The following ARID1A variants were observed in gnomAD, a reference collection of about 807,000 sequenced individuals.
The protein encoded by ARID1A is AT-rich interactive domain-containing protein 1A.
ARID1A carries 20 observed loss-of-function variants against 212.6 expected under a neutral mutation model. The observed-to-expected ratio is 0.09, with a 90% CI of 0.07 to 0.14. The LOEUF (loss-of-function observed/expected upper bound fraction) is 0.14. ARID1A is among the 10% of genes least tolerant of loss of function. ARID1A has a pLI of 1.00. For missense variants in ARID1A, 2,587 were observed against 3,059.0 expected, an observed-to-expected ratio of 0.85 and a Z score of 3.64; for synonymous variants, 1,376 against 1,222.1, an observed-to-expected ratio of 1.13 and a Z score of -2.63.
intron 1 of ARID1A, among the ~76,000 whole-genome samples, chr1:26,712,235 C>A (rs1265112285): frequency 6.6e-6 from 1 of 152,200 alleles, no homozygotes; most frequent in African/African-American, 2.4e-5. Flanking sequence ...CCTGTGATGG[C>A]TGTCTGATCT....
Position 26,697,334 on chromosome 1 carries a change from T to C in ARID1A, c.931T>C (p.Tyr311His), listed in dbSNP as rs2124744343. The change falls in exon 1 of 20, where the codon TAC becomes CAC. Residue 311 changes from tyrosine (Y) to histidine (H), a missense_variant. Tyr to His is a moderately conservative substitution (Grantham distance 83, BLOSUM62 2). This residue lies in a region of ARID1A where 735 missense variants were observed against 590.6 expected (regional missense o/e 1.24). Coordinates refer to ENST00000324856, the MANE Select transcript of ARID1A (RefSeq NM_006015.6). ...SPSSARGYQG[Y>H]PGGDYSGGPQ... ...CAGCTCGGCCCGGGGCTACCAGGGC[T>C]ACCCCGGGGGCGACTACAGTGGCGG... 7.5e-7 allele frequency: 1 copy of C among 1,334,824 alleles called. No homozygotes were observed. The highest frequency in any genetic ancestry group is 9.5e-7 in the Non-Finnish European group (1 of 1,049,488). 82.7% of individuals were successfully genotyped at this position (1,334,824 alleles called of 1,614,324 possible).
rs1331755870 is a variant in ARID1A, at chr1:26,766,194, T to C, written c.2733-27T>C. On this transcript the variant is annotated intron_variant, in intron 8 of 19. Coordinates refer to ENST00000324856, the MANE Select transcript of ARID1A (RefSeq NM_006015.6). ...AAAAGCTCAGAGTCTAACCTTTGTC[T>C]CTCTCACTTTCCATCTTCTTCCTTA... The C allele has an allele frequency of 3.1e-6, 5 of 1,608,720 alleles. No homozygotes were observed. In the African/African-American group the frequency reaches 6.7e-5, roughly 22 times the overall value.
intron 1 of ARID1A, 123 bp from the exon 2 acceptor site, chr1:26,729,528 T>C: frequency 8.7e-7 from 1 of 1,147,844 alleles, no homozygotes; most frequent in Non-Finnish European, 1.3e-6. Context: ...GTCTCATTGC[T>C]CTTTCAAAGT....
chr1:26,697,082 C>G lies in ARID1A; in HGVS notation c.679C>G (p.Pro227Ala), dbSNP rs781445895. The change falls in exon 1 of 20, where the codon CCG (proline) becomes GCG (alanine). Residue 227 changes from proline to alanine, a missense_variant. By Grantham distance (27) the Pro-to-Ala change is conservative. Transcript: ENST00000324856. ...CCGCAGCGCCTACCCCCCGCCCGCC[C>G]CGGCCTACGCGCTGAGCTCCCCGAG... Reference protein sequence around the residue: ...PNRSAYPPPAPAYALSSPRGG... With the variant: ...PNRSAYPPPAAAYALSSPRGG... 2 of 1,492,494 alleles carry G rather than the reference C, an allele frequency of 1.3e-6. No homozygotes were observed. Among genetic ancestry groups the G allele is most frequent in the Non-Finnish European group, 1.8e-6 (2 of 1,126,104 alleles). 92.5% of individuals were successfully genotyped at this position (1,492,494 alleles called of 1,614,324 possible).
In ARID1A at chr1:26,696,950, G is replaced by T; in HGVS notation, c.547G>T (p.Ala183Ser). ...HGGQQSPGLA[A>S]LQSGGGGGLE... ...CGGACAACAAAGCCCTGGCCTGGCA[G>T]CGCTGCAGAGCGGCGGCGGCGGGGG... Residue 183 changes from alanine (A) to serine (S), a missense_variant, in exon 1 of 20, where the codon GCG becomes TCG. This residue lies in a region of ARID1A where 735 missense variants were observed against 590.6 expected (regional missense o/e 1.24). Transcript: ENST00000324856. 6.8e-7 allele frequency: 1 copy of T among 1,462,462 alleles called. No homozygotes were observed. The highest frequency in any genetic ancestry group is 9.0e-7 in the Non-Finnish European group (1 of 1,113,806). The allele number at this position is 1,462,462 out of a possible 1,614,324, so 90.6% of individuals were successfully genotyped here. A position where few individuals can be genotyped will look rare whatever the true frequency, so the allele number is the denominator to read the frequency against.
chr1:26,748,156 G>A (rs1013414679), intron 4 of ARID1A, among the ~76,000 whole-genome samples: 2 of 152,210 alleles, frequency 1.3e-5, no homozygotes, highest in African/African-American at 4.8e-5. Flanking sequence ...CCAGCCCCTA[G>A]TTCTAAGCCA....
chr1:26,744,934 G>A (rs2080822905), intron 4 of ARID1A, among the ~76,000 whole-genome samples: 1 of 151,876 alleles, frequency 6.6e-6, no homozygotes, highest in Non-Finnish European at 1.5e-5. Context: ...GTATTTAAAG[G>A]CCTAAGGCTC....
intron 6 of ARID1A, 45 bp downstream of exon 6, chr1:26,761,518 A>G (rs1447651374): frequency 1.3e-6 from 2 of 1,585,656 alleles, no homozygotes; most frequent in African/African-American, 1.3e-5. Context: ...TAGGGCAGAC[A>G]TTTGAGTGCC....
intron 1 of ARID1A, among the ~76,000 whole-genome samples, chr1:26,725,213 A>G (rs1172049851): frequency 6.6e-6 from 1 of 152,090 alleles, no homozygotes; most frequent in East Asian, 1.9e-4. Flanking sequence ...TGGAGTTTCC[A>G]TCCCCTGCCT....
intron 19 of ARID1A, among the ~76,000 whole-genome samples, chr1:26,776,855 T>A (rs2081141069): frequency 6.6e-6 from 1 of 152,168 alleles, no homozygotes; most frequent in Non-Finnish European, 1.5e-5. Flanking sequence ...ATAGGCTCAG[T>A]CTTATCCTTG....
At chr1:26,772,170 C>G (rs538333211) in intron 12 of ARID1A, 1 of 284,332 alleles carries the variant, frequency 3.5e-6, no homozygotes, top group Non-Finnish European at 6.7e-6. Context: ...ACCAGCATTA[C>G]AGGGTTTAGT....
intron 4 of ARID1A, among the ~76,000 whole-genome samples, chr1:26,743,721 A>T (rs1201474320): frequency 6.7e-6 from 1 of 150,190 alleles, no homozygotes; most frequent in Non-Finnish European, 1.5e-5. Context: ...AGTCCCAGCT[A>T]CTCGGGAGGC....
intron 4 of ARID1A, among the ~76,000 whole-genome samples, chr1:26,758,734 C>G (rs2080964027): frequency 6.6e-6 from 1 of 152,124 alleles, no homozygotes; most frequent in South Asian, 2.1e-4. Context: ...GGAGGATGTC[C>G]TTTGCTGTTA....
chr1:26,762,449 A>G, intron 7 of ARID1A, 130 bp downstream of exon 7: 1 of 1,041,960 alleles, frequency 9.6e-7, no homozygotes, highest in Non-Finnish European at 1.3e-6. Flanking sequence ...CACCCAGCCC[A>G]GGCCCTGAAG....
Position 26,716,901 on chromosome 1 carries a change from C to T in ARID1A, c.1138-12750C>T, listed in dbSNP as rs1301858150. On this transcript the variant is annotated intron_variant, in intron 1 of 19. Transcript: ENST00000324856. The stretch of plus-strand genomic sequence containing the variant: ...TCGCCCTCCCAAAGTGCTGAGATTA[C>T]AGGGTGAGCCAACTGTGCCTGGCCA... Among the ~76,000 whole-genome samples the T allele has an allele frequency of 2.6e-5, 4 of 152,192 alleles. No individual in the cohort carries two copies. The South Asian group carries it at 8.3e-4, about 32-fold the overall frequency.
At chr1:26,762,397 C>T (rs2081001027) in intron 7 of ARID1A, 78 bp downstream of exon 7, 2 of 1,477,636 alleles carry the variant, frequency 1.4e-6, no homozygotes, top group Non-Finnish European at 1.8e-6. Flanking sequence ...TGCCATCTAG[C>T]TTGTAACCTT....
intron 4 of ARID1A, among the ~76,000 whole-genome samples, chr1:26,734,380 TATCC>T (rs1167484729): frequency 1.3e-5 from 2 of 150,244 alleles, no homozygotes; most frequent in African/African-American, 4.9e-5. Flanking sequence ...AGAAGGCTTG[TATCC>T]AGAGATGCTA....
In ARID1A at chr1:26,774,316, GTC is replaced by G. The variant is rs2081113250; in HGVS notation, c.4102-9_4102-8del. On this transcript the variant is annotated splice_polypyrimidine_tract_variant and intron_variant, in intron 17 of 19. Coordinates refer to ENST00000324856, the MANE Select transcript of ARID1A (RefSeq NM_006015.6). This position sits in a 1 kb window ranked among gnomAD's most constrained non-coding sequence, Gnocchi z 5.6. The stretch of plus-strand genomic sequence containing the variant: ...CAGAGTATTAACTTCCCCTCTGCTT[GTC>G]TCTGCCTTAGAATTACAAGCGGCCA... The G allele has an allele frequency of 1.3e-6, 2 of 1,526,188 alleles. No individual in the cohort carries two copies. Among genetic ancestry groups the G allele is most frequent in the Non-Finnish European group, 8.8e-7 (1 of 1,136,782 alleles). The allele number at this position is 1,526,188 out of a possible 1,614,324, so 94.5% of individuals were successfully genotyped here.
In ARID1A at chr1:26,780,908, C is replaced by T; in HGVS notation, c.*152C>T. 9.2e-7 allele frequency: 1 copy of T among 1,085,324 alleles called. No individual in the cohort carries two copies. Among genetic ancestry groups the T allele is most frequent in the East Asian group, 2.6e-5 (1 of 38,956 alleles). 67.2% of individuals were successfully genotyped at this position (1,085,324 alleles called of 1,614,324 possible). A position where few individuals can be genotyped will look rare whatever the true frequency, so the allele number is the denominator to read the frequency against. ...CCTTGGGAAAAAGTCTCTCCTGTTTCTCTCTCCTCCTTCCACCTCCCCTCC... is the reference window on the plus strand; with the variant it reads ...CCTTGGGAAAAAGTCTCTCCTGTTTTTCTCTCCTCCTTCCACCTCCCCTCC... On this transcript the variant is annotated 3_prime_UTR_variant, in exon 20 of 20. Coordinates refer to ENST00000324856, the MANE Select transcript of ARID1A (RefSeq NM_006015.6). The surrounding 1 kb of genome is among the most constrained non-coding windows in gnomAD (Gnocchi z 7.2).
Sources: gnomAD v4.1 joint callset for allele counts (sites outside exome capture counted in the v4.1 genomes callset) on GRCh38, gnomAD v4.1.1 for gene constraint, gnomAD v4.1.1 regional missense constraint, Gnocchi (gnomAD v3.1) non-coding constraint, MANE v1.5 for transcripts, NCBI Gene and HGNC (gene_info 2026-07-23, HGNC 2026-07-21) for gene names.